Variants in PGAP6 observed in about 807,000 individuals in gnomAD.
PGAP6 encodes the protein post-GPI attachment to proteins 6, also known as post-GPI attachment to proteins factor 6.
In PGAP6, 62 loss-of-function variants were observed where a neutral mutation model predicts 68.4. The ratio of observed to expected loss-of-function variants is 0.91; its 90% CI spans 0.74 to 1.12. PGAP6 has a LOEUF of 1.12. Among genes scored for constraint, PGAP6 ranks in the 50% most tolerant of loss-of-function variants. PGAP6 has a pLI of 0.00. For synonymous variants in PGAP6, 575 were observed against 474.0 expected, an observed-to-expected ratio of 1.21 and a Z score of -2.77; for missense variants, 1,188 against 1,068.5, an observed-to-expected ratio of 1.11 and a Z score of -1.56.
Position 381,833 on chromosome 16 carries a change from C to A in PGAP6, c.-12G>T, listed in dbSNP as rs1303123308. 9.6e-7 allele frequency: 1 copy of A among 1,037,684 alleles called. No homozygotes were observed. The allele number at this position is 1,037,684 out of a possible 1,614,324, so 64.3% of individuals were successfully genotyped here. A position where few individuals can be genotyped will look rare whatever the true frequency, so the allele number is the denominator to read the frequency against. On this transcript the variant is annotated 5_prime_UTR_variant, in exon 1 of 13. Coordinates refer to ENST00000431232, the MANE Select transcript of PGAP6 (RefSeq NM_021259.3). ...CCAGCCCGGCCCATGGCTCCGCGCT[C>A]GGCCCGGCGCTACCCGGCCCGCGTC...
intron 1 of PGAP6, among the ~76,000 whole-genome samples, chr16:379,322 G>A (rs183742606): frequency 2.0e-5 from 3 of 152,272 alleles, no homozygotes; most frequent in Admixed American, 6.5e-5. Flanking sequence ...CAGAAGAAAC[G>A]ATACACCTGC....
Position 375,430 on chromosome 16 carries a change from C to T in PGAP6, c.1230G>A (p.Glu410=). 1.9e-6 allele frequency: 3 copies of T among 1,612,160 alleles called. No individual in the cohort carries two copies. The highest frequency in any genetic ancestry group is 2.5e-6 in the Non-Finnish European group (3 of 1,179,936). ...LTISLRANKT[E]MRNETVVVAC... The stretch of plus-strand genomic sequence containing the variant: ...CCACTACGACGGTCTCGTTCCGCAT[C>T]TCTGTCTGGAAAGGGAGGCGGTGCC... The change falls in exon 7 of 13, where the codon GAG becomes GAA. Residue 410 remains glutamate (E), a synonymous_variant. Coordinates refer to ENST00000431232, the MANE Select transcript of PGAP6 (RefSeq NM_021259.3).
chr16:386,726 C>CAAAAAA (rs10544230), upstream of PGAP6: 10 of 312,012 alleles, frequency 3.2e-5, no homozygotes, highest in Non-Finnish European at 4.2e-5. Flanking sequence ...AAAAAAAAAC[C>CAAAAAA]AAAAAAAAAA....
intron 1 of PGAP6, among the ~76,000 whole-genome samples, chr16:379,571 C>T (rs370461882): frequency 6.6e-6 from 1 of 152,234 alleles, no homozygotes; most frequent in Non-Finnish European, 1.5e-5. Flanking sequence ...CCGGCCTCTG[C>T]GGGGGCAGGC....
chr16:375,317 C>G, intron 7 of PGAP6, 28 bp downstream of exon 7: 1 of 1,612,694 alleles, frequency 6.2e-7, no homozygotes, highest in Non-Finnish European at 8.5e-7. Flanking sequence ...GCCGGGGCCA[C>G]GCTGACGGTG....
intron 12 of PGAP6, 29 bp downstream of exon 12, chr16:372,582 C>A (rs2054344815): frequency 1.3e-6 from 2 of 1,544,712 alleles, no homozygotes; most frequent in Middle Eastern, 1.7e-4. Flanking sequence ...AGCACCTGGG[C>A]AGCAGTGCCA....
At chr16:380,860 T>TGGGCACCC (rs1318700727) in intron 1 of PGAP6, among the ~76,000 whole-genome samples, 1 of 151,972 alleles carries the variant, frequency 6.6e-6, no homozygotes, top group South Asian at 2.1e-4. Flanking sequence ...GCCGGGCACC[T>TGGGCACCC]GGGCACCCGC....
In PGAP6 at chr16:375,374, C is replaced by T. The variant is rs368868995; in HGVS notation, c.1286G>A (p.Gly429Asp). 9 of 1,612,864 alleles carry T rather than the reference C, an allele frequency of 5.6e-6. No homozygotes were observed. Among genetic ancestry groups the T allele is most frequent in the Non-Finnish European group, 6.8e-6 (8 of 1,179,972 alleles). The change falls in exon 7 of 13, where the codon GGC becomes GAC. Residue 429 changes from glycine (G) to aspartate (D), a missense_variant. Transcript: ENST00000431232. ...ACVNAASPFL[G>D]FNTSLNCTTA... The stretch of plus-strand genomic sequence containing the variant: ...GGTGCAGTTGAGCGAAGTATTGAAG[C>T]CAAGGAAGGGCGAGGCAGCATTCAC...
chr16:380,124 T>TC (rs999026876), intron 1 of PGAP6, among the ~76,000 whole-genome samples: 1 of 152,180 alleles, frequency 6.6e-6, no homozygotes, highest in African/African-American at 2.4e-5. Flanking sequence ...ACCAGGCCTC[T>TC]CCACTGTCCA....
In PGAP6 at chr16:374,588, C is replaced by A. The variant is rs866522122; in HGVS notation, c.1576+168G>T. Among the ~76,000 whole-genome samples the A allele has an allele frequency of 5.3e-5, 8 of 152,118 alleles. No homozygotes were observed. The South Asian group carries it at 1.0e-3, about 20-fold the overall frequency. ...ATACCTGGTGCCTGTGCCAGGCAGA[C>A]GGATTGTTGGTGGGGAATGGGGGAG... On this transcript the variant is annotated intron_variant, in intron 9 of 12. Coordinates refer to ENST00000431232, the MANE Select transcript of PGAP6 (RefSeq NM_021259.3).
chr16:381,588 C>A, intron 1 of PGAP6, 113 bp downstream of exon 1: 1 of 902,876 alleles, frequency 1.1e-6, no homozygotes, highest in Non-Finnish European at 1.4e-6. Context: ...GCGGGGACCC[C>A]CAACCCCGCG....
In PGAP6 at chr16:374,289, C is replaced by T. The variant is rs369972725; in HGVS notation, c.1687G>A (p.Ala563Thr). Residue 563 changes from alanine to threonine, a missense_variant, in exon 10 of 13, where the codon GCC becomes ACC. Transcript: ENST00000431232. Reference sequence around the variant, plus strand: ...AGGAAGAATCGCCGCACTGAGACGGCGATGGGGGCCAGGAACATGAGGTTG... The same window carrying T: ...AGGAAGAATCGCCGCACTGAGACGGTGATGGGGGCCAGGAACATGAGGTTG... The part of the protein sequence containing the change: ...LSNLMFLAPI[A>T]VSVRRFFLVE... The T allele has an allele frequency of 5.0e-6, 8 of 1,606,562 alleles. No individual in the cohort carries two copies. Among genetic ancestry groups the T allele is most frequent in the African/African-American group, 2.7e-5 (2 of 74,908 alleles).
In PGAP6 at chr16:376,629, G is replaced by C. The variant is rs1008066564; in HGVS notation, c.819C>G (p.Pro273=). The change falls in exon 5 of 13, where the codon CCC becomes CCG. Residue 273 remains proline (P), a synonymous_variant. Transcript: ENST00000431232. ...WPCRLLLPSP[P]WDRWLQVTAE... ...CTGTCACTTGCAGCCACCGGTCCCA[G>C]GGCGGTGAGGGCAGCAGCAGGCGGC... 1.9e-5 allele frequency: 30 copies of C among 1,602,756 alleles called. No homozygotes were observed. The highest frequency in any genetic ancestry group is 2.4e-5 in the Non-Finnish European group (28 of 1,174,284).
rs570635602 is a variant in PGAP6, at chr16:371,434, A to G, written c.*553T>C. The G allele has an allele frequency of 2.6e-5, 4 of 154,300 alleles. No homozygotes were observed. The highest frequency in any genetic ancestry group is 9.6e-5 in the African/African-American group (4 of 41,556). 9.6% of individuals were successfully genotyped at this position (154,300 alleles called of 1,614,324 possible). A position where few individuals can be genotyped will look rare whatever the true frequency, so the allele number is the denominator to read the frequency against. ...GGAGCCTGCATCCCCAGTGCCCATC[A>G]GCTCTGGGGGAAACCTCCGTCTCCC... On this transcript the variant is annotated 3_prime_UTR_variant, in exon 13 of 13. Transcript: ENST00000431232.
At position 377,594 on chromosome 16, in the gene PGAP6, G is replaced by T; in HGVS notation, c.300-9C>A. 1 of 1,571,360 alleles carries T rather than the reference G, an allele frequency of 6.4e-7. No individual in the cohort carries two copies. Among genetic ancestry groups the T allele is most frequent in the South Asian group, 1.2e-5 (1 of 86,226 alleles). On this transcript the variant is annotated splice_polypyrimidine_tract_variant and intron_variant, in intron 2 of 12. Coordinates refer to ENST00000431232, the MANE Select transcript of PGAP6 (RefSeq NM_021259.3). ...CGCCGGAACGGAAGTGCCTGGAGAC[G>T]GGAGAGCAGCACCGGGTTCAGGCAC...
intron 1 of PGAP6, among the ~76,000 whole-genome samples, chr16:378,343 G>A (rs1280962018): frequency 1.0e-5 from 1 of 100,398 alleles, no homozygotes; most frequent in East Asian, 2.5e-4. Flanking sequence ...CACTGCCATC[G>A]CCACTCTGAC....
upstream of PGAP6, among the ~76,000 whole-genome samples, chr16:385,304 A>G (rs2054473979): frequency 1.4e-5 from 2 of 144,566 alleles, no homozygotes; most frequent in African/African-American, 5.3e-5. Flanking sequence ...GCTATAATAT[A>G]CTCTGATTTT....
Position 375,793 on chromosome 16 carries a change from G to C in PGAP6, c.1224+343C>G, listed in dbSNP as rs1278180218. ...GATCCACCCTCCTCGGCCTCCCAAA[G>C]TGCTGGGATTACAGGCGTGAGCCAC... On this transcript the variant is annotated intron_variant, in intron 6 of 12. Transcript: ENST00000431232. 2.6e-5 allele frequency among the ~76,000 whole-genome samples: 4 copies of C among 152,060 alleles called. No individual in the cohort carries two copies. In the South Asian group the frequency reaches 8.3e-4, roughly 32 times the overall value.
upstream of PGAP6, chr16:384,545 T>C (rs1261807539): frequency 3.9e-5 from 6 of 152,218 alleles, no homozygotes; most frequent in African/African-American, 1.4e-4. Context: ...CTGAAAATTA[T>C]TGTGCCAACA....
Sources: gnomAD v4.1 joint callset for allele counts (sites outside exome capture counted in the v4.1 genomes callset) on GRCh38, gnomAD v4.1.1 for gene constraint, MANE v1.5 for transcripts, NCBI Gene and HGNC (gene_info 2026-07-23, HGNC 2026-07-21) for gene names.